The following ZNF592 variants were observed in gnomAD, a reference collection of about 807,000 sequenced individuals.
ZNF592 encodes the protein spinocerebellar ataxia, autosomal recessive 5.
A neutral mutation model predicts 80.3 loss-of-function variants in ZNF592; 11 were observed. That is an observed-to-expected ratio of 0.14 (90% CI 0.09 to 0.23). The LOEUF (loss-of-function observed/expected upper bound fraction) is 0.23, where lower values mean the gene tolerates loss of function less well. Among genes scored for constraint, ZNF592 ranks in the 10% least tolerant of loss-of-function variants. ZNF592 has a pLI of 1.00. For missense variants in ZNF592, 1,420 were observed against 1,633.9 expected, an observed-to-expected ratio of 0.87 and a Z score of 2.26; for synonymous variants, 646 against 640.3, an observed-to-expected ratio of 1.01 and a Z score of -0.13.
At chr15:84,774,965 G>C (rs1016043867) in intron 2 of ZNF592, among the ~76,000 whole-genome samples, 1 of 152,034 alleles carries the variant, frequency 6.6e-6, no homozygotes, top group African/African-American at 2.4e-5. Flanking sequence ...ATTTTTAGTA[G>C]GGACAGGGTT....
At chr15:84,760,271 A>G in intron 1 of ZNF592, among the ~76,000 whole-genome samples, 1 of 152,126 alleles carries the variant, frequency 6.6e-6, no homozygotes, top group East Asian at 1.9e-4. Flanking sequence ...CTTCCCAGCC[A>G]TATCTCCTAC....
Position 84,752,572 on chromosome 15 carries a change from TG to T in ZNF592, c.-259+3912del, listed in dbSNP as rs369767054. On this transcript the variant is annotated intron_variant, in intron 1 of 10. Transcript: ENST00000560079. ...TGGAGCCATGGTAGCCCCCAGTGTT[TG>T]GGGATGAGGCTGGAAAGCTAAGTTG... is the stretch of plus-strand genomic sequence containing the variant. Among the ~76,000 whole-genome samples the T allele has an allele frequency of 2.8e-3, 429 of 152,254 alleles. 3 individuals carry two copies. The highest frequency in any genetic ancestry group is 9.7e-3 in the African/African-American group (405 of 41,550).
At chr15:84,794,379 C>T (rs1962833513) in intron 5 of ZNF592, among the ~76,000 whole-genome samples, 1 of 152,110 alleles carries the variant, frequency 6.6e-6, no homozygotes, top group African/African-American at 2.4e-5. Flanking sequence ...CTTGCCAACA[C>T]TTGTTATTGT....
At chr15:84,779,761 A>G (rs1235484215) in intron 3 of ZNF592, among the ~76,000 whole-genome samples, 3 of 152,120 alleles carry the variant, frequency 2.0e-5, no homozygotes, top group African/African-American at 4.8e-5. Flanking sequence ...GACCATTCTC[A>G]GTCAATCCCT....
intron 1 of ZNF592, among the ~76,000 whole-genome samples, chr15:84,757,369 C>T (rs1167681421): frequency 2.8e-5 from 4 of 144,066 alleles, no homozygotes; most frequent in African/African-American, 7.8e-5. Flanking sequence ...AGATAGGGTC[C>T]AGCACTGTTA....
chr15:84,784,050 T>G lies in ZNF592; in HGVS notation c.1375T>G (p.Ser459Ala), dbSNP rs199704564. 19 of 1,613,008 alleles carry G rather than the reference T, an allele frequency of 1.2e-5. No individual in the cohort carries two copies. The highest frequency in any genetic ancestry group is 1.6e-5 in the Non-Finnish European group (19 of 1,179,150). The change falls in exon 4 of 11, where the codon TCA (serine) becomes GCA (alanine). Residue 459 changes from serine to alanine, a missense_variant. Transcript: ENST00000560079. The surrounding 1 kb of genome is among the most constrained non-coding windows in gnomAD (Gnocchi z 5.8). Reference sequence around the variant, plus strand: ...GAGCATGACAAAGGCCAGTGACTCGTCATCTCCCAGCTGCAGTTCTGGGCC... The same window carrying G: ...GAGCATGACAAAGGCCAGTGACTCGGCATCTCCCAGCTGCAGTTCTGGGCC... ...DESMTKASDS[S>A]SPSCSSGPRV...
chr15:84,788,239 G>T (rs1391823590), intron 4 of ZNF592, among the ~76,000 whole-genome samples: 3 of 152,112 alleles, frequency 2.0e-5, no homozygotes, highest in Non-Finnish European at 4.4e-5. Flanking sequence ...AGTGAATTTA[G>T]GTGATAATAT....
In ZNF592 at chr15:84,783,270, C is replaced by A. The variant is rs1345694967; in HGVS notation, c.595C>A (p.His199Asn). The A allele has an allele frequency of 6.2e-7, 1 of 1,614,170 alleles. No homozygotes were observed. The highest frequency in any genetic ancestry group is 2.2e-5 in the East Asian group (1 of 44,880). The change falls in exon 4 of 11, where the codon CAT becomes AAT. Residue 199 changes from histidine (H) to asparagine (N), a missense_variant. Coordinates refer to ENST00000560079, the MANE Select transcript of ZNF592 (RefSeq NM_014630.3). This position sits in a 1 kb window ranked among gnomAD's most constrained non-coding sequence, Gnocchi z 5.0. ...FPVPELHMFDHFCKKEPKPEP... is the reference protein window; with the variant it reads ...FPVPELHMFDNFCKKEPKPEP... The stretch of plus-strand genomic sequence containing the variant: ...GGTTCCAGAGCTGCATATGTTTGAT[C>A]ATTTTTGTAAGAAAGAACCCAAGCC...
intron 10 of ZNF592, 134 bp downstream of exon 10, chr15:84,800,111 G>A: frequency 2.2e-6 from 3 of 1,379,960 alleles, no homozygotes; most frequent in Non-Finnish European, 3.1e-6. Context: ...TCACTCTCTA[G>A]TCCTGTGTGA....
At chr15:84,782,459 C>G (rs1010048217) in intron 3 of ZNF592, among the ~76,000 whole-genome samples, 198 bp from the exon 4 acceptor site, 4 of 152,184 alleles carry the variant, frequency 2.6e-5, no homozygotes, top group Admixed American at 1.3e-4. Flanking sequence ...TTTCACTACT[C>G]TTTCCATCTC....
intron 2 of ZNF592, 32 bp downstream of exon 2, chr15:84,764,847 T>G (rs1425398366): frequency 2.5e-6 from 1 of 398,724 alleles, no homozygotes; most frequent in African/African-American, 2.1e-5. Flanking sequence ...GAACTGGCCT[T>G]GAAAAGCCAA....
intron 2 of ZNF592, among the ~76,000 whole-genome samples, chr15:84,775,127 G>A (rs114912426): frequency 2.7e-3 from 414 of 150,760 alleles, no homozygotes; most frequent in African/African-American, 8.3e-3. Flanking sequence ...ATAGGGTCTC[G>A]CTCTGTCACC....
At chr15:84,796,940 C>T (rs543556104) in intron 5 of ZNF592, among the ~76,000 whole-genome samples, 5 of 152,136 alleles carry the variant, frequency 3.3e-5, no homozygotes, top group South Asian at 4.2e-4. Flanking sequence ...TAAATAGCCA[C>T]GTGGCCACAT....
rs752698511 is a variant in ZNF592, at chr15:84,799,255, ACT to A, written c.3137+48_3137+49del. 52 of 1,577,612 alleles carry A rather than the reference ACT, an allele frequency of 3.3e-5. No homozygotes were observed. Among genetic ancestry groups the A allele is most frequent in the Admixed American group, 1.3e-4 (8 of 59,946 alleles). ...AGTGAGGAGGCCTGAGGTTCAAAAG[ACT>A]CTGTCCGTGGCACCACTGGGGCTTT... On this transcript the variant is annotated intron_variant, in intron 9 of 10. Coordinates refer to ENST00000560079, the MANE Select transcript of ZNF592 (RefSeq NM_014630.3). The surrounding 1 kb of genome is among the most constrained non-coding windows in gnomAD (Gnocchi z 4.2).
intron 10 of ZNF592, 42 bp from the exon 11 acceptor site, chr15:84,801,821 A>G: frequency 6.2e-7 from 1 of 1,613,872 alleles, no homozygotes; most frequent in South Asian, 1.1e-5. Context: ...GCTCATGTCC[A>G]GGGCTTGGCC....
rs1432630650 is a variant in ZNF592 at position 84,777,694 on chromosome 15, C to CCTTTT, written c.-149-489_-149-488insCTTTT. ...GAAAATAATTTCGTCTGTTGAGATA[C>CCTTTT]TTTTTTTTTTTTTTTTTTTTTTTGA... On this transcript the variant is annotated intron_variant, in intron 2 of 10. Transcript: ENST00000560079. 9.1e-5 allele frequency among the ~76,000 whole-genome samples: 9 copies of CCTTTT among 98,426 alleles called. 3 individuals are homozygous for CCTTTT. Among genetic ancestry groups the CCTTTT allele is most frequent in the Non-Finnish European group, 1.2e-4 (6 of 50,144 alleles). The allele number at this position is 98,426 out of a possible 152,430, so 64.6% of individuals were successfully genotyped here.
chr15:84,759,964 CCCA>C (rs371468019), intron 1 of ZNF592, among the ~76,000 whole-genome samples: 9,513 of 42,678 alleles, frequency 0.22, 863 homozygotes, highest in East Asian at 0.42. Flanking sequence ...TCCCCCCCCC[CCCA>C]CCCTGCCATT....
At position 84,783,520 on chromosome 15, in the gene ZNF592, C is replaced by A. The variant is rs767222790; in HGVS notation, c.845C>A (p.Ser282Tyr). The change falls in exon 4 of 11, where the codon TCC becomes TAC. Residue 282 changes from serine (S) to tyrosine (Y), a missense_variant. Coordinates refer to ENST00000560079, the MANE Select transcript of ZNF592 (RefSeq NM_014630.3). This position sits in a 1 kb window ranked among gnomAD's most constrained non-coding sequence, Gnocchi z 5.0. ...QRLKPAHSKL[S>Y]SCVAALVALQ... ...CTAAAGCCAGCTCATTCCAAGCTGT[C>A]CTCTTGTGTGGCAGCCTTGGTGGCC... is the stretch of plus-strand genomic sequence containing the variant. The A allele has an allele frequency of 1.2e-6, 2 of 1,614,218 alleles. No homozygotes were observed. The highest frequency in any genetic ancestry group is 2.2e-5 in the South Asian group (2 of 91,082).
Position 84,802,495 on chromosome 15 carries a change from T to C in ZNF592, c.*102T>C. 1 of 1,391,114 alleles carries C rather than the reference T, an allele frequency of 7.2e-7. No individual in the cohort carries two copies. Among genetic ancestry groups the C allele is most frequent in the Non-Finnish European group, 9.9e-7 (1 of 1,005,876 alleles). 86.2% of individuals were successfully genotyped at this position (1,391,114 alleles called of 1,614,324 possible). ...AAAGGCTCTGCCCCCAGTGTGAGTG[T>C]GACCGGTTGTACCCTGGAGTAGTGT... On this transcript the variant is annotated 3_prime_UTR_variant, in exon 11 of 11. Transcript: ENST00000560079.
Sources: allele counts gnomAD v4.1 joint callset (sites outside exome capture counted in the v4.1 genomes callset), GRCh38; gene constraint gnomAD v4.1.1; non-coding constraint Gnocchi (gnomAD v3.1); transcripts MANE v1.5; gene names NCBI Gene and HGNC (gene_info 2026-07-23, HGNC 2026-07-21).